The following CPQ variants were observed in gnomAD, a reference collection of about 807,000 sequenced individuals.
The protein encoded by CPQ is carboxypeptidase Q.
In CPQ, 37 loss-of-function variants were observed where a neutral mutation model predicts 45.7. The ratio of observed to expected loss-of-function variants is 0.81; its 90% confidence interval spans 0.62 to 1.07. The LOEUF (loss-of-function observed/expected upper bound fraction) is 1.07, where lower values mean the gene tolerates loss of function less well. Among genes scored for constraint, CPQ ranks in the 50% least tolerant of loss-of-function variants. The probability of loss-of-function intolerance (pLI) is 0.00; values close to 1 mark genes in which losing one functional copy is unlikely to be tolerated. For synonymous variants in CPQ, 186 were observed against 205.8 expected (o/e 0.90, Z 0.82); for missense variants, 537 against 572.9 (o/e 0.94, Z 0.64).
chr8:96,938,399 AAAC>A (rs1813082150), intron 4 of CPQ, among the ~76,000 whole-genome samples: 1 of 152,204 alleles, frequency 6.6e-6, no homozygotes, highest in African/African-American at 2.4e-5. Flanking sequence ...CCTGGTCTCT[AAAC>A]AACAACAGCA....
intron 2 of CPQ, among the ~76,000 whole-genome samples, chr8:96,818,217 C>T (rs1031467551): frequency 1.1e-4 from 16 of 151,788 alleles, no homozygotes; most frequent in African/African-American, 3.9e-4. Context: ...GAAACCTAAT[C>T]AATAAACTTT....
At chr8:97,023,310 T>C (rs1288197544) in intron 5 of CPQ, among the ~76,000 whole-genome samples, 2 of 151,772 alleles carry the variant, frequency 1.3e-5, no homozygotes, top group Non-Finnish European at 2.9e-5. Context: ...ACAATGGACT[T>C]TGGGGACTCA....
intron 7 of CPQ, among the ~76,000 whole-genome samples, chr8:97,072,287 T>C (rs1810756961): frequency 6.6e-6 from 1 of 152,146 alleles, no homozygotes; most frequent in African/African-American, 2.4e-5. Flanking sequence ...TAATTAAAAG[T>C]AGCTGCAATA....
chr8:96,718,649 G>A (rs572152260), intron 1 of CPQ, among the ~76,000 whole-genome samples: 1 of 152,096 alleles, frequency 6.6e-6, no homozygotes, highest in Admixed American at 6.6e-5. Flanking sequence ...CTGCTGGCTC[G>A]GGCAGCCTGC....
chr8:97,048,880 C>T (rs1810306475), intron 6 of CPQ, among the ~76,000 whole-genome samples: 1 of 152,186 alleles, frequency 6.6e-6, no homozygotes, highest in Non-Finnish European at 1.5e-5. Context: ...ATATGGCACA[C>T]TTTTGTGATG....
At chr8:96,902,841 G>A (rs1020264156) in intron 4 of CPQ, among the ~76,000 whole-genome samples, 1 of 152,156 alleles carries the variant, frequency 6.6e-6, no homozygotes, top group Middle Eastern at 3.2e-3. Flanking sequence ...CCAGAGGAGG[G>A]CAATGGACAG....
rs1194841135 is a variant in CPQ, at chr8:96,879,827, A to G, written c.671A>G (p.Asp224Gly). 6.2e-7 allele frequency: 1 copy of G among 1,614,088 alleles called. No individual in the cohort carries two copies. Among genetic ancestry groups the G allele is most frequent in the South Asian group, 1.1e-5 (1 of 91,084 alleles). ...SPHTGIQEYQDGVPKIPTACI... is the reference protein window; with the variant it reads ...SPHTGIQEYQGGVPKIPTACI... The stretch of plus-strand genomic sequence containing the variant: ...CACACAGGTATTCAGGAATACCAGG[A>G]TGGCGTGCCCAAGATTCCAACAGCC... The change falls in exon 4 of 8, where the codon GAT becomes GGT. Residue 224 changes from aspartate to glycine, a missense_variant. Physicochemically the swap from Asp to Gly is moderately conservative, Grantham distance 94. Coordinates refer to ENST00000220763, the MANE Select transcript of CPQ (RefSeq NM_016134.4).
intron 7 of CPQ, among the ~76,000 whole-genome samples, chr8:97,076,447 T>G (rs1810847747): frequency 6.6e-6 from 1 of 152,218 alleles, no homozygotes; most frequent in African/African-American, 2.4e-5. Flanking sequence ...GTCTTCATAC[T>G]TCTTTAAAAA....
In CPQ at chr8:96,849,910, A is replaced by G. The variant is rs541977994; in HGVS notation, c.641+14730A>G. Among the ~76,000 whole-genome samples the G allele has an allele frequency of 3.3e-4, 50 of 152,280 alleles. No homozygotes were observed. The South Asian group carries it at 7.7e-3, about 23-fold the overall frequency. On this transcript the variant is annotated intron_variant, in intron 3 of 7. Transcript: ENST00000220763. Reference sequence around the variant, plus strand: ...TACATTTGCTCTACTCTTTCATTTTATAAATGAGGAGCTTGGGGCTGAAGG... The same window carrying G: ...TACATTTGCTCTACTCTTTCATTTTGTAAATGAGGAGCTTGGGGCTGAAGG...
chr8:96,773,746 C>A (rs928012837), intron 1 of CPQ, among the ~76,000 whole-genome samples: 1 of 152,152 alleles, frequency 6.6e-6, no homozygotes, highest in Non-Finnish European at 1.5e-5. Flanking sequence ...CACCAGCATT[C>A]GGTGTCTGAT....
At chr8:97,053,074 TCAC>T (rs1586516661) in intron 6 of CPQ, among the ~76,000 whole-genome samples, 1 of 152,216 alleles carries the variant, frequency 6.6e-6, no homozygotes, top group South Asian at 2.1e-4. Context: ...ATCATTATCT[TCAC>T]CACCACCACC....
chr8:96,958,071 C>CCT (rs1813386500), intron 4 of CPQ, among the ~76,000 whole-genome samples: 1 of 151,686 alleles, frequency 6.6e-6, no homozygotes, highest in Non-Finnish European at 1.5e-5. Flanking sequence ...GAACTCCTGG[C>CCT]CTCAATTGAT....
chr8:97,097,893 T>C (rs1014895971), intron 7 of CPQ, among the ~76,000 whole-genome samples: 1 of 152,192 alleles, frequency 6.6e-6, no homozygotes, highest in Non-Finnish European at 1.5e-5. Flanking sequence ...CCAAATTCCA[T>C]TGGCTAGAAC....
At chr8:97,101,496 T>G (rs1345377917) in intron 7 of CPQ, among the ~76,000 whole-genome samples, 5 of 150,370 alleles carry the variant, frequency 3.3e-5, no homozygotes, top group African/African-American at 1.2e-4. Context: ...GTTTCTCTCC[T>G]TAGAGACTCT....
chr8:96,979,880 C>T (rs531020289), intron 5 of CPQ, among the ~76,000 whole-genome samples: 6 of 152,222 alleles, frequency 3.9e-5, no homozygotes, highest in African/African-American at 7.2e-5. Flanking sequence ...TAATCATTAT[C>T]GATGAGCTGA....
chr8:96,894,512 G>C (rs1432133651), intron 4 of CPQ, among the ~76,000 whole-genome samples: 1 of 152,120 alleles, frequency 6.6e-6, no homozygotes, highest in African/African-American at 2.4e-5. Context: ...GTGTGCCACA[G>C]CAAGGTACAT....
At chr8:96,787,945 T>C (rs2130811706) in intron 2 of CPQ, among the ~76,000 whole-genome samples, 1 of 144,660 alleles carries the variant, frequency 6.9e-6, no homozygotes, top group African/African-American at 2.5e-5. Flanking sequence ...TTTAGATTTT[T>C]CTAGCAACAA....
chr8:97,046,301 C>T (rs904218698), intron 6 of CPQ, among the ~76,000 whole-genome samples: 3 of 150,674 alleles, frequency 2.0e-5, no homozygotes, highest in African/African-American at 7.3e-5. Context: ...CTCTCGTGTA[C>T]TCTCATCAAA....
Position 96,668,717 on chromosome 8 carries a change from C to A in CPQ, c.-35+23315C>A, listed in dbSNP as rs375694845. On this transcript the variant is annotated intron_variant, in intron 1 of 7. Transcript: ENST00000220763. ...TATATATAAAACAAATATAAGAAGA[C>A]TCTGAAAGGTGGAGAGAATAAGGCA... Among the ~76,000 whole-genome samples, 6 of 152,066 alleles carry A rather than the reference C, an allele frequency of 3.9e-5. No individual in the cohort carries two copies. In the East Asian group the frequency reaches 1.2e-3, roughly 29 times the overall value.
Sources: allele counts gnomAD v4.1 joint callset (sites outside exome capture counted in the v4.1 genomes callset), GRCh38; gene constraint gnomAD v4.1.1; transcripts MANE v1.5; gene names NCBI Gene and HGNC (gene_info 2026-07-23, HGNC 2026-07-21).